The following ERBB4 variants were observed in gnomAD, a reference collection of about 807,000 sequenced individuals.
ERBB4 encodes the protein erb-b2 receptor tyrosine kinase 4.
ERBB4 carries 42 observed loss-of-function variants against 158.0 expected under a neutral mutation model. The observed-to-expected ratio is 0.27, with a 90% CI of 0.21 to 0.34. The LOEUF (loss-of-function observed/expected upper bound fraction) is 0.34, where lower values mean the gene tolerates loss of function less well. Ranked by LOEUF, ERBB4 falls within the 10% of genes least tolerant of loss-of-function variation. ERBB4 has a pLI of 1.00. For missense variants in ERBB4, 1,333 were observed against 1,624.1 expected (o/e 0.82, Z 3.08); for synonymous variants, 583 against 558.7 (o/e 1.04, Z -0.61).
At chr2:212,189,583 T>C (rs542168021) in intron 1 of ERBB4, among the ~76,000 whole-genome samples, 2 of 152,312 alleles carry the variant, frequency 1.3e-5, no homozygotes, top group African/African-American at 2.4e-5. Context: ...GTAATAAGAA[T>C]CTTCAACACC....
chr2:211,411,043 G>A (rs532081098), intron 25 of ERBB4, among the ~76,000 whole-genome samples: 18 of 152,244 alleles, frequency 1.2e-4, no homozygotes, highest in Admixed American at 1.1e-3. Context: ...TGAGTAGCTG[G>A]GATTATAGGC....
chr2:211,403,764 C>CT (rs1202777346), intron 25 of ERBB4, among the ~76,000 whole-genome samples: 1 of 152,052 alleles, frequency 6.6e-6, no homozygotes, highest in Admixed American at 6.6e-5. Context: ...ATCGGTTCTT[C>CT]TGCCTTTTAT....
chr2:211,744,137 A>AT (rs2074884651), intron 5 of ERBB4, among the ~76,000 whole-genome samples: 1 of 152,176 alleles, frequency 6.6e-6, no homozygotes, highest in African/African-American at 2.4e-5. Flanking sequence ...TTAGGAAAAC[A>AT]TTTAAAAAAA....
intron 1 of ERBB4, among the ~76,000 whole-genome samples, chr2:212,408,568 A>G (rs775286382): frequency 3.3e-5 from 5 of 152,104 alleles, no homozygotes; most frequent in Non-Finnish European, 7.3e-5. Context: ...CCTTGAGCCC[A>G]GGAGTTCAAA....
At chr2:211,394,662 C>T (rs947615450) in intron 25 of ERBB4, among the ~76,000 whole-genome samples, 3 of 152,136 alleles carry the variant, frequency 2.0e-5, no homozygotes, top group South Asian at 2.1e-4. Flanking sequence ...CAAGCCTTTT[C>T]GATGTGTAAA....
intron 20 of ERBB4, among the ~76,000 whole-genome samples, chr2:211,514,004 AT>A (rs1191524112): frequency 1.3e-5 from 2 of 152,114 alleles, no homozygotes; most frequent in African/African-American, 4.8e-5. Context: ...TCTTCTAGCT[AT>A]TTTGAAATAT....
intron 1 of ERBB4, among the ~76,000 whole-genome samples, chr2:212,145,633 T>C (rs547479809): frequency 1.5e-4 from 22 of 151,666 alleles, no homozygotes; most frequent in Admixed American, 1.1e-3. Context: ...CTCTTCATCT[T>C]GCTAAGCAAT....
At chr2:212,472,886 A>G (rs2860080) in intron 1 of ERBB4, among the ~76,000 whole-genome samples, 60,771 of 151,550 alleles carry the variant, frequency 0.4, 12,610 homozygotes, top group African/African-American at 0.45. Flanking sequence ...ACGTATATTA[A>G]CTTGTATATT....
At chr2:211,507,781 C>T (rs902513676) in intron 20 of ERBB4, among the ~76,000 whole-genome samples, 1 of 152,112 alleles carries the variant, frequency 6.6e-6, no homozygotes, top group Non-Finnish European at 1.5e-5. Context: ...GGTAACAAAA[C>T]AGATATATAG....
At chr2:211,986,932 C>T (rs957047191) in intron 2 of ERBB4, among the ~76,000 whole-genome samples, 1 of 152,034 alleles carries the variant, frequency 6.6e-6, no homozygotes, top group Non-Finnish European at 1.5e-5. Context: ...GATGTTTTAA[C>T]AAAGATTCCA....
intron 3 of ERBB4, among the ~76,000 whole-genome samples, chr2:211,838,621 T>C (rs1306663970): frequency 6.6e-6 from 1 of 152,168 alleles, no homozygotes; most frequent in East Asian, 1.9e-4. Flanking sequence ...TTTCTGCTTA[T>C]GTGGGTATGT....
rs560657330 is a variant in ERBB4 at position 212,087,961 on chromosome 2, C to T, written c.234+36791G>A. Among the ~76,000 whole-genome samples, 13 of 152,128 alleles carry T rather than the reference C, an allele frequency of 8.5e-5. No homozygotes were observed. The East Asian group carries it at 1.5e-3, about 18-fold the overall frequency. On this transcript the variant is annotated intron_variant, in intron 2 of 27. Coordinates refer to ENST00000342788, the MANE Select transcript of ERBB4 (RefSeq NM_005235.3). ...GTTGTGAGAGTCAATTGAAATAATGCGTGTTAAGCTTCAGACACAGTGCCT... is the reference window on the plus strand; with the variant it reads ...GTTGTGAGAGTCAATTGAAATAATGTGTGTTAAGCTTCAGACACAGTGCCT...
At chr2:212,127,276 C>A (rs1162924234) in intron 1 of ERBB4, among the ~76,000 whole-genome samples, 2 of 152,202 alleles carry the variant, frequency 1.3e-5, no homozygotes, top group Admixed American at 1.3e-4. Flanking sequence ...TGGCCCAACA[C>A]AAATTCATAA....
intron 1 of ERBB4, among the ~76,000 whole-genome samples, chr2:212,461,494 T>C: frequency 6.6e-6 from 1 of 152,174 alleles, no homozygotes; most frequent in East Asian, 1.9e-4. Flanking sequence ...AATGACTGTA[T>C]ATACCCAATG....
At chr2:212,425,960 A>C (rs997907232) in intron 1 of ERBB4, among the ~76,000 whole-genome samples, 1 of 151,996 alleles carries the variant, frequency 6.6e-6, no homozygotes, top group Non-Finnish European at 1.5e-5. Flanking sequence ...TTTTTGGTTT[A>C]ATTATAATCA....
intron 1 of ERBB4, among the ~76,000 whole-genome samples, chr2:212,217,716 G>T (rs2083146990): frequency 6.6e-6 from 1 of 151,262 alleles, no homozygotes; most frequent in South Asian, 2.1e-4. Context: ...GAATCATAAA[G>T]AACTAGTTTC....
At chr2:211,856,826 T>C (rs1374009935) in intron 3 of ERBB4, among the ~76,000 whole-genome samples, 3 of 152,140 alleles carry the variant, frequency 2.0e-5, no homozygotes, top group African/African-American at 2.4e-5. Context: ...TGTTTCAATG[T>C]TTATGAACAT....
chr2:211,743,734 G>A (rs373364116), intron 5 of ERBB4, among the ~76,000 whole-genome samples: 1 of 152,104 alleles, frequency 6.6e-6, no homozygotes, highest in Non-Finnish European at 1.5e-5. Flanking sequence ...CCCCTGACAC[G>A]ACTACATTAA....
At chr2:212,201,649 T>A (rs2105903371) in intron 1 of ERBB4, among the ~76,000 whole-genome samples, 1 of 152,324 alleles carries the variant, frequency 6.6e-6, no homozygotes, top group South Asian at 2.1e-4. Context: ...ATGTCCTATA[T>A]TTTAAAATTC....
Sources: gnomAD v4.1 joint callset for allele counts (sites outside exome capture counted in the v4.1 genomes callset) on GRCh38, gnomAD v4.1.1 for gene constraint, MANE v1.5 for transcripts, NCBI Gene and HGNC (gene_info 2026-07-23, HGNC 2026-07-21) for gene names.